The following OR6A2 variants were observed in gnomAD, a reference collection of about 807,000 sequenced individuals.
The protein encoded by OR6A2 is olfactory receptor 6A2.
Under a neutral mutation model 7.1 loss-of-function variants are expected in OR6A2, and 6 were observed. The observed-to-expected ratio is 0.85, with a 90% confidence interval of 0.46 to 1.68. The LOEUF is 1.68. OR6A2 is among the 40% of genes most tolerant of loss of function. The pLI is 0.01. For synonymous variants in OR6A2, 162 were observed against 152.1 expected (o/e 1.06, Z -0.48); for missense variants, 431 against 398.0 (o/e 1.08, Z -0.71).
In OR6A2 at chr11:6,799,685, T is replaced by A. The variant is rs905621095; in HGVS notation, c.-318A>T. 6.6e-6 allele frequency: 1 copy of A among 152,154 alleles called. No homozygotes were observed. Among genetic ancestry groups the A allele is most frequent in the African/African-American group, 2.4e-5 (1 of 41,432 alleles). 9.4% of individuals were successfully genotyped at this position (152,154 alleles called of 1,614,324 possible). ...GAGATTCCACTTTCTCTTCCTCCCA[T>A]AGATAGAGAACACTGCCAAGCTAGG... On this transcript the variant is annotated 5_prime_UTR_variant, in exon 1 of 2. An upstream start codon of the reference 5' UTR is lost. Transcript: ENST00000641196.
At chr11:6,796,403 A>G (rs532872972) in intron 1 of OR6A2, among the ~76,000 whole-genome samples, 15 of 152,310 alleles carry the variant, frequency 9.8e-5, no homozygotes, top group Middle Eastern at 6.8e-3. Flanking sequence ...GGACTGTACA[A>G]TACATCTTGG....
chr11:6,794,886 T>A lies in OR6A2; in HGVS notation c.823A>T (p.Thr275Ser). The change falls in exon 2 of 2, where the codon ACC becomes TCC. Residue 275 changes from threonine to serine, a missense_variant. By Grantham distance (58) the Thr-to-Ser change is moderately conservative (BLOSUM62 1). Transcript: ENST00000641196. ...ARPKALSAFD[T>S]NKLVSVLYAV... ...TACAGTACAGAGACCAACTTGTTGGTGTCAAAAGCTGAGAGTGCCTTTGGC... is the reference window on the plus strand; with the variant it reads ...TACAGTACAGAGACCAACTTGTTGGAGTCAAAAGCTGAGAGTGCCTTTGGC... 6.2e-7 allele frequency: 1 copy of A among 1,614,100 alleles called. No individual in the cohort carries two copies.
rs1167990929 is a variant in OR6A2, at chr11:6,792,427, T to C, written c.*2298A>G. ...CCACTAGACACCTGGAGCACAGAAG[T>C]CATTTATATTAATCCTCACTTGCCT... On this transcript the variant is annotated 3_prime_UTR_variant, in exon 2 of 2. Coordinates refer to ENST00000641196, the MANE Select transcript of OR6A2 (RefSeq NM_003696.3). 6.6e-6 allele frequency: 1 copy of C among 152,192 alleles called. No homozygotes were observed. Among genetic ancestry groups the C allele is most frequent in the Non-Finnish European group, 1.5e-5 (1 of 68,032 alleles). 9.4% of individuals were successfully genotyped at this position (152,192 alleles called of 1,614,324 possible). A position where few individuals can be genotyped will look rare whatever the true frequency, so the allele number is the denominator to read the frequency against.
chr11:6,795,954 C>T (rs1015171704), intron 1 of OR6A2, 70 bp from the exon 2 acceptor site: 2 of 430,052 alleles, frequency 4.7e-6, no homozygotes, highest in African/African-American at 2.0e-5. Flanking sequence ...TCTGTTCTGA[C>T]CTTTGGAGAA....
chr11:6,795,438 G>T lies in OR6A2; in HGVS notation c.271C>A (p.Gln91Lys). 1 of 1,614,086 alleles carries T rather than the reference G, an allele frequency of 6.2e-7. No individual in the cohort carries two copies. Among genetic ancestry groups the T allele is most frequent in the Non-Finnish European group, 8.5e-7 (1 of 1,179,994 alleles). Residue 91 changes from glutamine (Q) to lysine (K), a missense_variant, in exon 2 of 2, where the codon CAG (glutamine) becomes AAG (lysine). By Grantham distance (53) the Gln-to-Lys change is moderately conservative. Coordinates refer to ENST00000641196, the MANE Select transcript of OR6A2 (RefSeq NM_003696.3). ...KMLAGFVGSK[Q>K]DHGQLISFEG... is the part of the protein sequence containing the mutation. Reference sequence around the variant, plus strand: ...AAGGAGATTAGCTGTCCATGATCCTGTTTGGATCCAACAAAGCCAGCAAGC... The same window carrying T: ...AAGGAGATTAGCTGTCCATGATCCTTTTTGGATCCAACAAAGCCAGCAAGC...
At chr11:6,796,299 T>A (rs1394523402) in intron 1 of OR6A2, among the ~76,000 whole-genome samples, 2 of 152,176 alleles carry the variant, frequency 1.3e-5, no homozygotes, top group Non-Finnish European at 2.9e-5. Context: ...AATATAGATT[T>A]AAGTGACTAA....
At chr11:6,796,234 C>G (rs1373764076) in intron 1 of OR6A2, among the ~76,000 whole-genome samples, 2 of 152,158 alleles carry the variant, frequency 1.3e-5, no homozygotes, top group African/African-American at 4.8e-5. Flanking sequence ...ATCTTAACAA[C>G]AATCTTGTGG....
intron 1 of OR6A2, among the ~76,000 whole-genome samples, chr11:6,798,214 G>T (rs1847766572): frequency 6.6e-6 from 1 of 152,068 alleles, no homozygotes; most frequent in South Asian, 2.1e-4. Context: ...CCTTTCCCAA[G>T]CAAGTTATTC....
In OR6A2 at chr11:6,794,899, G is replaced by C; in HGVS notation, c.810C>G (p.Leu270=). Residue 270 remains leucine (L), a synonymous_variant, in exon 2 of 2, where the codon CTC becomes CTG. Transcript: ENST00000641196. ...SIFIYARPKA[L]SAFDTNKLVS... ...CCAACTTGTTGGTGTCAAAAGCTGAGAGTGCCTTTGGCCGAGCATAGATGA... is the reference window on the plus strand; with the variant it reads ...CCAACTTGTTGGTGTCAAAAGCTGACAGTGCCTTTGGCCGAGCATAGATGA... 2 of 1,614,078 alleles carry C rather than the reference G, an allele frequency of 1.2e-6. No homozygotes were observed. Among genetic ancestry groups the C allele is most frequent in the Non-Finnish European group, 1.7e-6 (2 of 1,179,984 alleles).
At position 6,799,566 on chromosome 11, in the gene OR6A2, A is replaced by T. The variant is rs1370109187; in HGVS notation, c.-199T>A. ...CACTTTATTCAGATGTCACTGACTCATCAAGGTCCTCCTGAGATGGCTGGG... is the reference window on the plus strand; with the variant it reads ...CACTTTATTCAGATGTCACTGACTCTTCAAGGTCCTCCTGAGATGGCTGGG... On this transcript the variant is annotated 5_prime_UTR_variant, in exon 1 of 2. It removes an upstream start codon present in the reference 5' UTR. Coordinates refer to ENST00000641196, the MANE Select transcript of OR6A2 (RefSeq NM_003696.3). The T allele has an allele frequency of 6.6e-6, 1 of 152,216 alleles. No homozygotes were observed. Among genetic ancestry groups the T allele is most frequent in the Non-Finnish European group, 1.5e-5 (1 of 68,038 alleles). 9.4% of individuals were successfully genotyped at this position (152,216 alleles called of 1,614,324 possible).
Position 6,794,877 on chromosome 11 carries a change from A to T in OR6A2, c.832T>A (p.Leu278Met). Residue 278 changes from leucine to methionine, a missense_variant, in exon 2 of 2, where the codon TTG becomes ATG. Physicochemically the swap from Leu to Met is conservative, Grantham distance 15 (BLOSUM62 2). Transcript: ENST00000641196. ...KALSAFDTNK[L>M]VSVLYAVIVP... The stretch of plus-strand genomic sequence containing the variant: ...ATGACAGCATACAGTACAGAGACCA[A>T]CTTGTTGGTGTCAAAAGCTGAGAGT... The T allele has an allele frequency of 1.2e-6, 2 of 1,614,132 alleles. No homozygotes were observed. The highest frequency in any genetic ancestry group is 1.7e-6 in the Non-Finnish European group (2 of 1,179,992).
rs921188452 is a variant in OR6A2, at chr11:6,795,646, A to G, written c.63T>C (p.Pro21=). Residue 21 remains proline (P), a synonymous_variant, in exon 2 of 2, where the codon CCT becomes CCC. Coordinates refer to ENST00000641196, the MANE Select transcript of OR6A2 (RefSeq NM_003696.3). ...CAAACAATAGTACCTGTAGTGGCGC[A>G]GGAGCAGGGAAGCCCAGCAACACAA... ...SEFVLLGFPA[P]APLQVLLFAL... 3 of 1,613,886 alleles carry G rather than the reference A, an allele frequency of 1.9e-6. No individual in the cohort carries two copies. The African/African-American group carries it at 4.0e-5, about 22-fold the overall frequency.
rs763033635 is a variant in OR6A2 at position 6,795,427 on chromosome 11, T to C, written c.282A>G (p.Gly94=). The C allele has an allele frequency of 4.3e-6, 7 of 1,614,060 alleles. No homozygotes were observed. The Admixed American group carries it at 1.0e-4, about 23-fold the overall frequency. Residue 94 remains glycine, a synonymous_variant, in exon 2 of 2, where the codon GGA becomes GGG. Transcript: ENST00000641196. ...AGFVGSKQDH[G]QLISFEGCMT... ...TGCATCCCTCAAAGGAGATTAGCTG[T>C]CCATGATCCTGTTTGGATCCAACAA...
Position 6,793,507 on chromosome 11 carries a change from T to C in OR6A2, c.*1218A>G, listed in dbSNP as rs954419975. 1 of 152,046 alleles carries C rather than the reference T, an allele frequency of 6.6e-6. No individual in the cohort carries two copies. The highest frequency in any genetic ancestry group is 1.5e-5 in the Non-Finnish European group (1 of 67,982). The allele number at this position is 152,046 out of a possible 1,614,324, so 9.4% of individuals were successfully genotyped here. A position where few individuals can be genotyped will look rare whatever the true frequency, so the allele number is the denominator to read the frequency against. On this transcript the variant is annotated 3_prime_UTR_variant, in exon 2 of 2. Coordinates refer to ENST00000641196, the MANE Select transcript of OR6A2 (RefSeq NM_003696.3). ...TCCAGATAAATAAAGTTATATATAA[T>C]ATGGGCTAAGAAAAAAAGCATTTAA...
Position 6,794,982 on chromosome 11 carries a change from A to G in OR6A2, c.727T>C (p.Phe243Leu). The G allele has an allele frequency of 6.2e-7, 1 of 1,614,140 alleles. No individual in the cohort carries two copies. The highest frequency in any genetic ancestry group is 8.5e-7 in the Non-Finnish European group (1 of 1,180,010). The change falls in exon 2 of 2, where the codon TTT becomes CTT. Residue 243 changes from phenylalanine to leucine, a missense_variant. Transcript: ENST00000641196. ...GTGAGATGAGAGGCACAGGTGGAAAAGGCCTTATAGCGTCCAGCAGCCGAA... is the reference window on the plus strand; with the variant it reads ...GTGAGATGAGAGGCACAGGTGGAAAGGGCCTTATAGCGTCCAGCAGCCGAA... ...IPSAAGRYKA[F>L]STCASHLTVV... is the part of the protein sequence containing the mutation.
Position 6,793,173 on chromosome 11 carries a change from T to C in OR6A2, c.*1552A>G, listed in dbSNP as rs189871174. On this transcript the variant is annotated 3_prime_UTR_variant, in exon 2 of 2. Coordinates refer to ENST00000641196, the MANE Select transcript of OR6A2 (RefSeq NM_003696.3). ...GACAGTAGATTTTTGATGAACTTTA[T>C]ATCCAGTCATTTAAAAAATTATTAC... 4.3e-4 allele frequency: 66 copies of C among 152,324 alleles called. No individual in the cohort carries two copies. The highest frequency in any genetic ancestry group is 1.6e-3 in the African/African-American group (65 of 41,566). The allele number at this position is 152,324 out of a possible 1,614,324, so 9.4% of individuals were successfully genotyped here. A position where few individuals can be genotyped will look rare whatever the true frequency, so the allele number is the denominator to read the frequency against.
At chr11:6,799,492 T>C (rs922666696) in intron 1 of OR6A2, 52 bp downstream of exon 1, 1 of 152,194 alleles carries the variant, frequency 6.6e-6, no homozygotes, top group Non-Finnish European at 1.5e-5. Flanking sequence ...AAAGAAAACT[T>C]GGGATAATTG....
intron 1 of OR6A2, among the ~76,000 whole-genome samples, chr11:6,797,927 A>T (rs914687858): frequency 5.3e-5 from 8 of 152,228 alleles, no homozygotes; most frequent in African/African-American, 1.9e-4. Flanking sequence ...GTCTTGGTTC[A>T]TAAGGCTTCT....
intron 1 of OR6A2, among the ~76,000 whole-genome samples, chr11:6,796,166 CA>C (rs1196341327): frequency 3.1e-4 from 47 of 152,282 alleles, no homozygotes; most frequent in African/African-American, 9.6e-4. Flanking sequence ...ATTATTAGCA[CA>C]GGCACTGTTA....
Sources: allele counts gnomAD v4.1 joint callset (sites outside exome capture counted in the v4.1 genomes callset), GRCh38; gene constraint gnomAD v4.1.1; transcripts MANE v1.5; gene names NCBI Gene and HGNC (gene_info 2026-07-23, HGNC 2026-07-21).